Variants in ACVR1C observed in about 807,000 individuals in gnomAD.
ACVR1C encodes activin A receptor type 1C.
In ACVR1C, 23 loss-of-function variants were observed where a neutral mutation model predicts 57.9. The ratio of observed to expected loss-of-function variants is 0.40; its 90% CI spans 0.29 to 0.56. The LOEUF is 0.56. Among genes scored for constraint, ACVR1C ranks in the 20% least tolerant of loss-of-function variants. The pLI, the probability that ACVR1C is intolerant of heterozygous loss-of-function variation, is 0.50. For missense variants in ACVR1C, 480 were observed against 607.9 expected (o/e 0.79, Z 2.21); for synonymous variants, 214 against 215.3 (o/e 0.99, Z 0.05).
intron 1 of ACVR1C, among the ~76,000 whole-genome samples, chr2:157,593,244 C>A (rs558164846): frequency 3.3e-5 from 5 of 152,176 alleles, no homozygotes; most frequent in African/African-American, 1.2e-4. Flanking sequence ...AAAAAAGAAC[C>A]AAATTTGTTG....
chr2:157,549,546 A>G lies in ACVR1C; in HGVS notation c.775+616T>C, dbSNP rs139306473. Reference sequence around the variant, plus strand: ...GGTTCCTGCACCAAACCAGTCAGCAAACATTTTAAGCACCGCCCTGGCTAT... The same window carrying G: ...GGTTCCTGCACCAAACCAGTCAGCAGACATTTTAAGCACCGCCCTGGCTAT... On this transcript the variant is annotated intron_variant, in intron 4 of 8. Transcript: ENST00000243349. Among the ~76,000 whole-genome samples the G allele has an allele frequency of 5.1e-3, 782 of 152,272 alleles. 5 individuals carry two copies. The highest frequency in any genetic ancestry group is 0.018 in the South Asian group (88 of 4,824).
At chr2:157,605,205 T>C (rs1311938778) in intron 1 of ACVR1C, among the ~76,000 whole-genome samples, 3 of 151,744 alleles carry the variant, frequency 2.0e-5, no homozygotes, top group Non-Finnish European at 3.0e-5. Flanking sequence ...CATATATATA[T>C]ATATGGGTCT....
intron 1 of ACVR1C, among the ~76,000 whole-genome samples, chr2:157,601,341 A>G (rs558601232): frequency 4.6e-5 from 7 of 152,172 alleles, no homozygotes; most frequent in African/African-American, 1.4e-4. Context: ...AATAAAAAAA[A>G]TAAAAAAGAA....
intron 8 of ACVR1C, 66 bp downstream of exon 8, chr2:157,538,507 A>T: frequency 7.3e-7 from 1 of 1,361,086 alleles, no homozygotes; most frequent in Non-Finnish European, 9.7e-7. Flanking sequence ...ATGGTCTCTG[A>T]AAAGTCTCCC....
intron 2 of ACVR1C, among the ~76,000 whole-genome samples, chr2:157,584,468 G>C (rs902216164): frequency 6.6e-6 from 1 of 152,018 alleles, no homozygotes; most frequent in African/African-American, 2.4e-5. Flanking sequence ...CATAAATGAT[G>C]ACCAATATGC....
chr2:157,628,439 G>T (rs1199433335), intron 1 of ACVR1C, 133 bp downstream of exon 1: 3 of 1,061,052 alleles, frequency 2.8e-6, no homozygotes, highest in Non-Finnish European at 2.8e-6. Context: ...CCCTCAATCC[G>T]ACTGGCGCTT....
Position 157,542,704 on chromosome 2 carries a change from A to G in ACVR1C, c.1100+2T>C. On this transcript the variant is annotated splice_donor_variant, in intron 6 of 8. Transcript: ENST00000243349. LOFTEE classifies it high-confidence loss of function. ...CTATGCTACCCAAGTCAGTCGTCTT[A>G]CCTCTTGGTTCCCACTTTAGGATTC... 1.2e-6 allele frequency: 2 copies of G among 1,611,780 alleles called. No individual in the cohort carries two copies. Among genetic ancestry groups the G allele is most frequent in the East Asian group, 2.2e-5 (1 of 44,644 alleles).
chr2:157,612,277 A>C (rs149531093), intron 1 of ACVR1C, among the ~76,000 whole-genome samples: 1 of 152,294 alleles, frequency 6.6e-6, no homozygotes, highest in Non-Finnish European at 1.5e-5. Context: ...GCCCCAAAAC[A>C]GAGGCTACAT....
intron 2 of ACVR1C, among the ~76,000 whole-genome samples, chr2:157,561,731 C>T (rs1463493969): frequency 6.6e-6 from 1 of 152,182 alleles, no homozygotes; most frequent in Non-Finnish European, 1.5e-5. Flanking sequence ...CCTTAACCTG[C>T]CACTTCACAG....
intron 2 of ACVR1C, among the ~76,000 whole-genome samples, chr2:157,564,567 A>ACCAGGAATACCATTTGAC (rs1441934003): frequency 6.6e-6 from 1 of 152,212 alleles, no homozygotes; most frequent in Non-Finnish European, 1.5e-5. Context: ...AGGATCTAGA[A>ACCAGGAATACCATTTGAC]CCAGGAATAC....
At chr2:157,624,281 G>T (rs1298426239) in intron 1 of ACVR1C, among the ~76,000 whole-genome samples, 1 of 152,050 alleles carries the variant, frequency 6.6e-6, no homozygotes, top group African/African-American at 2.4e-5. Context: ...AGAATAACAG[G>T]TCCCACAGGG....
chr2:157,627,866 T>C (rs995389394), intron 1 of ACVR1C, among the ~76,000 whole-genome samples: 8 of 152,240 alleles, frequency 5.3e-5, no homozygotes, highest in African/African-American at 1.7e-4. Flanking sequence ...TAGTAAACAT[T>C]ATAAAGAAAC....
At chr2:157,540,626 G>A (rs1195164960) in intron 7 of ACVR1C, among the ~76,000 whole-genome samples, 2 of 152,116 alleles carry the variant, frequency 1.3e-5, no homozygotes, top group African/African-American at 4.8e-5. Context: ...ACTGGGAGCA[G>A]TAAAGGTAGG....
chr2:157,566,638 T>C (rs940622840), intron 2 of ACVR1C, among the ~76,000 whole-genome samples: 2 of 151,704 alleles, frequency 1.3e-5, no homozygotes, highest in Non-Finnish European at 2.9e-5. Context: ...CACCCGAATA[T>C]TGCGCTTTTC....
intron 1 of ACVR1C, among the ~76,000 whole-genome samples, chr2:157,595,072 G>A (rs905870850): frequency 1.3e-5 from 2 of 152,218 alleles, no homozygotes; most frequent in Non-Finnish European, 2.9e-5. Context: ...GAAATACCAT[G>A]AATAACCTTA....
At chr2:157,608,241 A>C (rs556004616) in intron 1 of ACVR1C, among the ~76,000 whole-genome samples, 2 of 151,990 alleles carry the variant, frequency 1.3e-5, no homozygotes, top group African/African-American at 4.8e-5. Flanking sequence ...TGTTGAAATA[A>C]TCATATGATC....
intron 2 of ACVR1C, among the ~76,000 whole-genome samples, chr2:157,559,594 T>C (rs1688189421): frequency 6.6e-6 from 1 of 152,244 alleles, no homozygotes; most frequent in Non-Finnish European, 1.5e-5. Flanking sequence ...TAGGGGATTT[T>C]CTGTGCCAAG....
At chr2:157,609,634 A>G (rs1335145936) in intron 1 of ACVR1C, among the ~76,000 whole-genome samples, 2 of 151,984 alleles carry the variant, frequency 1.3e-5, no homozygotes, top group African/African-American at 2.4e-5. Context: ...TATCTGCTTC[A>G]TGAATCTGGG....
intron 2 of ACVR1C, among the ~76,000 whole-genome samples, chr2:157,566,554 A>C (rs4389284): frequency 6.6e-6 from 1 of 151,832 alleles, no homozygotes; most frequent in Admixed American, 6.6e-5. Flanking sequence ...CCTGGGAAGC[A>C]CAAGGGGTCA....
Sources: gnomAD v4.1 joint callset for allele counts (sites outside exome capture counted in the v4.1 genomes callset) on GRCh38, gnomAD v4.1.1 for gene constraint, MANE v1.5 for transcripts, NCBI Gene and HGNC (gene_info 2026-07-23, HGNC 2026-07-21) for gene names.